The following R3HDM2 variants were observed in gnomAD, a reference collection of about 807,000 sequenced individuals.
The protein encoded by R3HDM2 is R3H domain-containing protein 2.
In R3HDM2, 38 loss-of-function variants were observed where a neutral mutation model predicts 124.5. The ratio of observed to expected loss-of-function variants is 0.31; its 90% CI spans 0.24 to 0.40. The LOEUF is 0.40. Ranked by LOEUF, R3HDM2 falls within the 10% of genes least tolerant of loss-of-function variation. R3HDM2 has a pLI of 1.00. For missense variants in R3HDM2, 869 were observed against 1,236.9 expected, an observed-to-expected ratio of 0.70 and a Z score of 4.46; for synonymous variants, 391 against 448.0, an observed-to-expected ratio of 0.87 and a Z score of 1.61.
chr12:57,307,314 G>T (rs11172150), intron 3 of R3HDM2, among the ~76,000 whole-genome samples: 119,159 of 144,326 alleles, frequency 0.83, 47,174 homozygotes, highest in Middle Eastern at 0.96. Flanking sequence ...GGGTTTTTTT[G>T]TTGTTGTTTT....
At chr12:57,385,096 A>G (rs2065515421) in intron 2 of R3HDM2, among the ~76,000 whole-genome samples, 1 of 151,916 alleles carries the variant, frequency 6.6e-6, no homozygotes, top group African/African-American at 2.4e-5. Flanking sequence ...CAGTGAGCAG[A>G]TATCACAAGA....
intron 3 of R3HDM2, among the ~76,000 whole-genome samples, chr12:57,308,306 T>C (rs1261368492): frequency 6.6e-6 from 1 of 151,390 alleles, no homozygotes; most frequent in African/African-American, 2.4e-5. Context: ...TCTGCTCACC[T>C]TGGCCTCCCA....
At chr12:57,333,290 T>C (rs1312464410) in intron 2 of R3HDM2, among the ~76,000 whole-genome samples, 1 of 151,934 alleles carries the variant, frequency 6.6e-6, no homozygotes, top group Non-Finnish European at 1.5e-5. Flanking sequence ...AACTATATAA[T>C]GTTGACAGGG....
rs375694721 is a variant in R3HDM2 at position 57,374,776 on chromosome 12, G to C, written c.-36+20973C>G. Among the ~76,000 whole-genome samples, 5 of 147,542 alleles carry C rather than the reference G, an allele frequency of 3.4e-5. No individual in the cohort carries two copies. The East Asian group carries it at 8.0e-4, about 24-fold the overall frequency. The stretch of plus-strand genomic sequence containing the variant: ...TGAGAGGCTGAGGCAGGCAGATCAC[G>C]AGGTCAGGAGATCAAGATCATCCTG... On this transcript the variant is annotated intron_variant, in intron 2 of 23. Transcript: ENST00000402412.
At chr12:57,314,489 A>G (rs2054627582) in intron 2 of R3HDM2, among the ~76,000 whole-genome samples, 1 of 152,230 alleles carries the variant, frequency 6.6e-6, no homozygotes, top group Admixed American at 6.5e-5. Flanking sequence ...CAAAAATAAA[A>G]AATAAATAAA....
At chr12:57,280,261 A>C in intron 14 of R3HDM2, 97 bp downstream of exon 14, 1 of 1,283,124 alleles carries the variant, frequency 7.8e-7, no homozygotes, top group African/African-American at 1.5e-5. Context: ...CCAAAAACTG[A>C]TCCTTCCTGC....
At chr12:57,409,702 A>G (rs1414416231) in intron 1 of R3HDM2, among the ~76,000 whole-genome samples, 1 of 118,386 alleles carries the variant, frequency 8.4e-6, no homozygotes, top group Non-Finnish European at 1.9e-5. Context: ...CTTTTGTAAA[A>G]AGTGTTAAGA....
At chr12:57,256,799 C>CCTTATGAATG (rs1054309207) in intron 21 of R3HDM2, among the ~76,000 whole-genome samples, 37 of 150,846 alleles carry the variant, frequency 2.5e-4, no homozygotes, top group South Asian at 1.7e-3. Context: ...ACTTACAGAC[C>CCTTATGAATG]CTTATGAATG....
At chr12:57,359,666 G>A (rs969616282) in intron 2 of R3HDM2, among the ~76,000 whole-genome samples, 1 of 152,082 alleles carries the variant, frequency 6.6e-6, no homozygotes, top group Non-Finnish European at 1.5e-5. Context: ...TGGTAGTGGT[G>A]ATTAGATTGT....
chr12:57,268,594 C>T (rs552336784), intron 17 of R3HDM2, 137 bp from the exon 18 acceptor site: 47 of 931,160 alleles, frequency 5.0e-5, no homozygotes, highest in Non-Finnish European at 7.2e-5. Context: ...TCCCCATCTG[C>T]CTAAAGAAAA....
chr12:57,328,182 C>T (rs548411639), intron 2 of R3HDM2, among the ~76,000 whole-genome samples: 2 of 152,110 alleles, frequency 1.3e-5, no homozygotes, highest in African/African-American at 4.8e-5. Flanking sequence ...GGCGATCCTC[C>T]CGCCTCAACC....
At chr12:57,361,290 G>A (rs750755837) in intron 2 of R3HDM2, among the ~76,000 whole-genome samples, 26 of 148,376 alleles carry the variant, frequency 1.8e-4, no homozygotes, top group Non-Finnish European at 3.1e-4. Flanking sequence ...CAGGAGAATC[G>A]CTGGAACCTG....
At chr12:57,352,492 CTTT>C (rs759397684) in intron 2 of R3HDM2, among the ~76,000 whole-genome samples, 7 of 124,998 alleles carry the variant, frequency 5.6e-5, no homozygotes, top group Non-Finnish European at 6.9e-5. Flanking sequence ...TAGGCAAACG[CTTT>C]TTTTTTTTTT....
At chr12:57,378,335 T>G (rs2064362961) in intron 2 of R3HDM2, among the ~76,000 whole-genome samples, 1 of 152,158 alleles carries the variant, frequency 6.6e-6, no homozygotes, top group African/African-American at 2.4e-5. Flanking sequence ...GGGTCTCATT[T>G]TAAGGATTTG....
intron 2 of R3HDM2, among the ~76,000 whole-genome samples, chr12:57,346,577 G>C (rs2060114569): frequency 6.6e-6 from 1 of 152,208 alleles, no homozygotes; most frequent in South Asian, 2.1e-4. Context: ...ATATCCTTCA[G>C]TAATGAAGAT....
intron 2 of R3HDM2, among the ~76,000 whole-genome samples, chr12:57,348,673 G>A (rs542204516): frequency 8.0e-5 from 10 of 125,204 alleles, no homozygotes; most frequent in African/African-American, 2.8e-4. Flanking sequence ...TAGCCTGGGC[G>A]ACAGAGCGAG....
chr12:57,293,625 C>T lies in R3HDM2; in HGVS notation c.811-958G>A, dbSNP rs147495187. 2.4e-3 allele frequency among the ~76,000 whole-genome samples: 368 copies of T among 152,228 alleles called. 1 individual carries two copies. The highest frequency in any genetic ancestry group is 6.3e-3 in the Admixed American group (96 of 15,292). On this transcript the variant is annotated intron_variant, in intron 10 of 23. Coordinates refer to ENST00000402412, the MANE Select transcript of R3HDM2 (RefSeq NM_001394031.1). ...GGTGTAATAGAGTGTCCTTATCCAT[C>T]CTGCTCTTGAAGGCAAGGAGTTCTA...
chr12:57,390,458 G>A (rs2066495024), intron 2 of R3HDM2, among the ~76,000 whole-genome samples: 1 of 152,118 alleles, frequency 6.6e-6, no homozygotes, highest in African/African-American at 2.4e-5. Flanking sequence ...AGCACTTTGG[G>A]AGGCTGAGAC....
At chr12:57,292,501 C>A in intron 11 of R3HDM2, 71 bp downstream of exon 11, 1 of 1,044,558 alleles carries the variant, frequency 9.6e-7, no homozygotes, top group South Asian at 1.4e-5. Flanking sequence ...GTGGAGGGTT[C>A]ATTCCATTCA....
Sources: gnomAD v4.1 joint callset for allele counts (sites outside exome capture counted in the v4.1 genomes callset) on GRCh38, gnomAD v4.1.1 for gene constraint, MANE v1.5 for transcripts, NCBI Gene and HGNC (gene_info 2026-07-23, HGNC 2026-07-21) for gene names.